ZMYM2: variants seen among roughly 807,000 people sequenced by gnomAD.
ZMYM2 encodes the protein zinc finger MYM-type protein 2.
Under a neutral mutation model 162.8 loss-of-function variants are expected in ZMYM2, and 56 were observed. The observed-to-expected ratio is 0.34, with a 90% confidence interval of 0.28 to 0.43. The LOEUF is 0.43. Ranked by LOEUF, ZMYM2 falls within the 20% of genes least tolerant of loss-of-function variation. ZMYM2 has a pLI of 1.00. For synonymous variants in ZMYM2, 510 were observed against 541.6 expected, an observed-to-expected ratio of 0.94 and a Z score of 0.81; for missense variants, 1,275 against 1,621.8, an observed-to-expected ratio of 0.79 and a Z score of 3.67.
chr13:20,053,965 G>A (rs1451155595), intron 14 of ZMYM2, among the ~76,000 whole-genome samples: 1 of 152,108 alleles, frequency 6.6e-6, no homozygotes, highest in Non-Finnish European at 1.5e-5. Context: ...TATTTATAAG[G>A]CAACTATTAG....
intron 6 of ZMYM2, among the ~76,000 whole-genome samples, chr13:20,011,494 A>C (rs150422419): frequency 1.1e-3 from 173 of 152,114 alleles, no homozygotes; most frequent in African/African-American, 3.1e-3. Context: ...ATGTTTTGCA[A>C]ATACTGTCTT....
intron 13 of ZMYM2, among the ~76,000 whole-genome samples, chr13:20,051,831 AGT>A (rs1955377017): frequency 6.6e-6 from 1 of 152,120 alleles, no homozygotes; most frequent in African/African-American, 2.4e-5. Context: ...CATAGTTGAG[AGT>A]GAGGAGAAGC....
At position 20,088,539 on chromosome 13, in the gene ZMYM2, T is replaced by A. The variant is rs1277205183; in HGVS notation, c.*2525T>A. On this transcript the variant is annotated 3_prime_UTR_variant, in exon 25 of 25. Coordinates refer to ENST00000610343, the MANE Select transcript of ZMYM2 (RefSeq NM_197968.4). ...AAGAAAGTGGATTTCCCATGCAAATTGAATCTTCATTAACACATTTTAAAA... is the reference window on the plus strand; with the variant it reads ...AAGAAAGTGGATTTCCCATGCAAATAGAATCTTCATTAACACATTTTAAAA... 1 of 198,818 alleles carries A rather than the reference T, an allele frequency of 5.0e-6. No homozygotes were observed. Among genetic ancestry groups the A allele is most frequent in the African/African-American group, 2.3e-5 (1 of 43,506 alleles). 12.3% of individuals were successfully genotyped at this position (198,818 alleles called of 1,614,324 possible). A position where few individuals can be genotyped will look rare whatever the true frequency, so the allele number is the denominator to read the frequency against.
intron 2 of ZMYM2, among the ~76,000 whole-genome samples, chr13:19,988,111 T>C (rs914658260): frequency 1.3e-5 from 2 of 152,182 alleles, no homozygotes; most frequent in African/African-American, 2.4e-5. Context: ...TGAGCTGCTG[T>C]TTTATTATAG....
At chr13:20,010,525 G>C (rs1951086505) in intron 6 of ZMYM2, among the ~76,000 whole-genome samples, 2 of 152,096 alleles carry the variant, frequency 1.3e-5, no homozygotes, top group Non-Finnish European at 2.9e-5. Flanking sequence ...TCATTTGCTT[G>C]TTGGCCATTT....
chr13:19,903,862 G>A, the ZMYM2 span, among the ~76,000 whole-genome samples: 1 of 151,732 alleles, frequency 6.6e-6, no homozygotes. Flanking sequence ...AAAAAATTAA[G>A]AAAATTAAAT....
intron 6 of ZMYM2, among the ~76,000 whole-genome samples, chr13:20,012,048 G>T (rs1168875857): frequency 6.6e-6 from 1 of 151,830 alleles, no homozygotes; most frequent in Admixed American, 6.6e-5. Context: ...CAGCGCCTGG[G>T]CTAATACTTG....
chr13:19,867,454 A>C, the ZMYM2 span, among the ~76,000 whole-genome samples: 7 of 152,224 alleles, frequency 4.6e-5, no homozygotes, highest in Non-Finnish European at 8.8e-5. Context: ...GGGGTGGGGA[A>C]GAGAGAAAAG....
At chr13:19,928,357 A>G in the ZMYM2 span, among the ~76,000 whole-genome samples, 3 of 152,132 alleles carry the variant, frequency 2.0e-5, no homozygotes, top group Non-Finnish European at 4.4e-5. Flanking sequence ...TGTGTCAGGT[A>G]AGTGTGTCAA....
Position 20,026,671 on chromosome 13 carries a change from G to A in ZMYM2, c.1644G>A (p.Met548Ile). Residue 548 changes from methionine to isoleucine, a missense_variant, in exon 8 of 25, where the codon ATG becomes ATA. By Grantham distance (10) the Met-to-Ile change is conservative. Around this residue, in one of 10 missense-constraint regions of ZMYM2, gnomAD observed 276 missense variants for 311.8 expected, o/e 0.89. Coordinates refer to ENST00000610343, the MANE Select transcript of ZMYM2 (RefSeq NM_197968.4). The stretch of plus-strand genomic sequence containing the variant: ...GAACACAGTGCAGGTTTTTTGATAT[G>A]ACTCAGTGTATAGGTCCTAATGGAT... ...GCRTQCRFFD[M>I]TQCIGPNGYM... The A allele has an allele frequency of 6.2e-7, 1 of 1,610,526 alleles. No individual in the cohort carries two copies. Among genetic ancestry groups the A allele is most frequent in the Non-Finnish European group, 8.5e-7 (1 of 1,179,128 alleles).
chr13:20,029,867 G>A (rs1164831859), intron 9 of ZMYM2, among the ~76,000 whole-genome samples: 1 of 151,418 alleles, frequency 6.6e-6, no homozygotes, highest in African/African-American at 2.4e-5. Context: ...GCATGATCTC[G>A]GCTCGCTGCA....
At chr13:19,950,341 G>C in the ZMYM2 span, among the ~76,000 whole-genome samples, 13 of 152,160 alleles carry the variant, frequency 8.5e-5, no homozygotes, top group Admixed American at 2.0e-4. Context: ...TTAGTGAATA[G>C]CTACTGGTAA....
intron 2 of ZMYM2, among the ~76,000 whole-genome samples, chr13:19,967,603 G>A (rs1329000695): frequency 6.6e-6 from 1 of 152,104 alleles, no homozygotes; most frequent in Non-Finnish European, 1.5e-5. Context: ...CGTACATTAT[G>A]CTTTAATATA....
chr13:19,971,472 G>A (rs889458712), intron 2 of ZMYM2, among the ~76,000 whole-genome samples: 16 of 151,346 alleles, frequency 1.1e-4, no homozygotes, highest in Non-Finnish European at 1.9e-4. Flanking sequence ...GTTTCTCCAT[G>A]TTGGTCAGGC....
At chr13:19,959,379 C>G (rs986661659) in intron 1 of ZMYM2, among the ~76,000 whole-genome samples, 3 of 152,164 alleles carry the variant, frequency 2.0e-5, no homozygotes, top group African/African-American at 7.2e-5. Context: ...TCCGCCGGGT[C>G]CCCTCCTTCG....
At chr13:19,884,454 CG>C in the ZMYM2 span, among the ~76,000 whole-genome samples, 1 of 151,940 alleles carries the variant, frequency 6.6e-6, no homozygotes, top group Non-Finnish European at 1.5e-5. Flanking sequence ...GGCGGGCGGC[CG>C]TGGTCCCAGC....
At chr13:19,934,851 C>G in the ZMYM2 span, among the ~76,000 whole-genome samples, 1 of 151,192 alleles carries the variant, frequency 6.6e-6, no homozygotes, top group Non-Finnish European at 1.5e-5. Context: ...ACTGCCATCT[C>G]CGCCTCCCAG....
chr13:19,876,512 G>T, the ZMYM2 span, among the ~76,000 whole-genome samples: 1 of 151,624 alleles, frequency 6.6e-6, no homozygotes, highest in African/African-American at 2.4e-5. Context: ...TGGTAGAGAC[G>T]GGGTTTCACC....
chr13:20,037,214 T>A (rs75767442), intron 12 of ZMYM2, among the ~76,000 whole-genome samples: 6 of 69,368 alleles, frequency 8.6e-5, no homozygotes, highest in Non-Finnish European at 1.1e-4. Context: ...CTAAGTAGAA[T>A]TTTTTTTTTT....
Sources: gnomAD v4.1 joint callset for allele counts (sites outside exome capture counted in the v4.1 genomes callset) on GRCh38, gnomAD v4.1.1 for gene constraint, gnomAD v4.1.1 regional missense constraint, MANE v1.5 for transcripts, NCBI Gene and HGNC (gene_info 2026-07-23, HGNC 2026-07-21) for gene names.